TATDN2: variants seen among roughly 807,000 people sequenced by gnomAD.
The protein encoded by TATDN2 is TatD DNase domain containing 2, also known as 3'-5' RNA nuclease TATDN2.
In TATDN2, 44 loss-of-function variants were observed where a neutral mutation model predicts 60.3. The ratio of observed to expected loss-of-function variants is 0.73; its 90% CI spans 0.57 to 0.94. The LOEUF (loss-of-function observed/expected upper bound fraction) is 0.94, where lower values mean the gene tolerates loss of function less well. Ranked by LOEUF, TATDN2 falls within the 40% of genes least tolerant of loss-of-function variation. The probability of loss-of-function intolerance (pLI) is 0.00; values close to 1 mark genes in which losing one functional copy is unlikely to be tolerated. For synonymous variants in TATDN2, 399 were observed against 355.8 expected (o/e 1.12, Z -1.37); for missense variants, 997 against 948.0 (o/e 1.05, Z -0.68).
At chr3:10,273,206 G>A (rs1384946540) in intron 4 of TATDN2, among the ~76,000 whole-genome samples, 1 of 152,202 alleles carries the variant, frequency 6.6e-6, no homozygotes, top group Non-Finnish European at 1.5e-5. Context: ...GTTGCTGGCT[G>A]GGAGAGGGCT....
chr3:10,279,590 G>A lies in TATDN2; in HGVS notation c.*408G>A, dbSNP rs941540700. 1 of 152,214 alleles carries A rather than the reference G, an allele frequency of 6.6e-6. No individual in the cohort carries two copies. The allele number at this position is 152,214 out of a possible 1,614,324, so 9.4% of individuals were successfully genotyped here. ...TACTTGTCTAAGCACATGTGGGTGT[G>A]TAACTCAGTTCCTGGTTCTCGGTTC... On this transcript the variant is annotated 3_prime_UTR_variant, in exon 8 of 8. Transcript: ENST00000448281.
intron 3 of TATDN2, among the ~76,000 whole-genome samples, chr3:10,267,181 A>G (rs1698489654): frequency 6.6e-6 from 1 of 151,948 alleles, no homozygotes; most frequent in South Asian, 2.1e-4. Context: ...TTGGCCTCCC[A>G]AAGTGCTGGG....
chr3:10,270,860 G>T lies in TATDN2; in HGVS notation c.1678G>T (p.Ala560Ser). 1 of 1,614,184 alleles carries T rather than the reference G, an allele frequency of 6.2e-7. No individual in the cohort carries two copies. The highest frequency in any genetic ancestry group is 8.5e-7 in the Non-Finnish European group (1 of 1,180,038). Residue 560 changes from alanine (A) to serine (S), a missense_variant, in exon 4 of 8, where the codon GCC becomes TCC. Ala to Ser is a moderately conservative substitution (Grantham distance 99, BLOSUM62 1). Coordinates refer to ENST00000448281, the MANE Select transcript of TATDN2 (RefSeq NM_014760.4). ...ELLKEDLVWG[A>S]FGCHPHFARY... ...GTTGAAAGAGGATCTGGTCTGGGGGGCCTTTGGCTGTCACCCTCATTTTGC... is the reference window on the plus strand; with the variant it reads ...GTTGAAAGAGGATCTGGTCTGGGGGTCCTTTGGCTGTCACCCTCATTTTGC...
Position 10,249,205 on chromosome 3 carries a change from C to G in TATDN2, c.5C>G (p.Ala2Gly). ...CCCTGTACCTTGCAGGTGCCCATGG[C>G]GTCCGAGCGGGGCAAGGTCAAGCAC... The part of the protein sequence containing the change: M[A>G]SERGKVKHNW... The change falls in exon 2 of 8, where the codon GCG (alanine) becomes GGG (glycine). Residue 2 changes from alanine to glycine, a missense_variant. Ala to Gly is a moderately conservative substitution (Grantham distance 60, BLOSUM62 0). Transcript: ENST00000448281. 3 of 1,511,678 alleles carry G rather than the reference C, an allele frequency of 2.0e-6. No homozygotes were observed. The highest frequency in any genetic ancestry group is 2.7e-6 in the Non-Finnish European group (3 of 1,128,818). The allele number at this position is 1,511,678 out of a possible 1,614,324, so 93.6% of individuals were successfully genotyped here.
intron 2 of TATDN2, among the ~76,000 whole-genome samples, chr3:10,258,225 C>T (rs899681709): frequency 1.3e-5 from 2 of 151,750 alleles, no homozygotes; most frequent in East Asian, 1.9e-4. Flanking sequence ...ATGTGCTCTT[C>T]GGAAAAAAAT....
At chr3:10,267,524 TGTGTCAAGTCTCTTCGTCTCTATA>T (rs1208480194) in intron 3 of TATDN2, among the ~76,000 whole-genome samples, 1 of 152,240 alleles carries the variant, frequency 6.6e-6, no homozygotes, top group African/African-American at 2.4e-5. Context: ...AATTTTTAAA[TGTGTCAAGTCTCTTCGTCTCTATA>T]GATTCATCCT....
At chr3:10,270,098 C>G (rs1698536047) in intron 3 of TATDN2, 33 bp from the exon 4 acceptor site, 4 of 1,578,696 alleles carry the variant, frequency 2.5e-6, no homozygotes, top group Non-Finnish European at 1.7e-6. Context: ...CATCGGAAGG[C>G]TAACCCACTG....
chr3:10,278,155 C>A lies in TATDN2; in HGVS notation c.1962-124C>A, dbSNP rs997596217. On this transcript the variant is annotated intron_variant, in intron 5 of 7. Coordinates refer to ENST00000448281, the MANE Select transcript of TATDN2 (RefSeq NM_014760.4). This position sits in a 1 kb window ranked among gnomAD's most constrained non-coding sequence, Gnocchi z 4.7. ...CCCTTGTCTGTGTTTACTGTGGAGTCCTTCCCTAGGATGCAGTCTTTCCAT... is the reference window on the plus strand; with the variant it reads ...CCCTTGTCTGTGTTTACTGTGGAGTACTTCCCTAGGATGCAGTCTTTCCAT... The A allele has an allele frequency of 1.7e-6, 2 of 1,156,272 alleles. No individual in the cohort carries two copies. Among genetic ancestry groups the A allele is most frequent in the Non-Finnish European group, 2.5e-6 (2 of 809,578 alleles). 71.6% of individuals were successfully genotyped at this position (1,156,272 alleles called of 1,614,324 possible).
In TATDN2 at chr3:10,268,219, T is replaced by G. The variant is rs149631586; in HGVS notation, c.949-1912T>G. On this transcript the variant is annotated intron_variant, in intron 3 of 7. Coordinates refer to ENST00000448281, the MANE Select transcript of TATDN2 (RefSeq NM_014760.4). ...ATTCAAGCAGTAGCTGTGAGAAGTC[T>G]AAGGCAGGAAAGTATAAAATGGGAA... is the stretch of plus-strand genomic sequence containing the variant. Among the ~76,000 whole-genome samples the G allele has an allele frequency of 3.3e-3, 501 of 152,354 alleles. 1 individual carries two copies. The highest frequency in any genetic ancestry group is 5.1e-3 in the Non-Finnish European group (349 of 68,020).
At chr3:10,274,992 T>A (rs1271567721) in intron 4 of TATDN2, among the ~76,000 whole-genome samples, 2 of 150,456 alleles carry the variant, frequency 1.3e-5, no homozygotes, top group Non-Finnish European at 1.5e-5. Flanking sequence ...TGAATTAATT[T>A]TTTTTTTTTT....
intron 2 of TATDN2, among the ~76,000 whole-genome samples, chr3:10,258,364 G>A (rs974248332): frequency 9.9e-5 from 15 of 151,878 alleles, no homozygotes; most frequent in African/African-American, 2.9e-4. Context: ...TGCATCCTCC[G>A]CCTCCTGGGT....
intron 3 of TATDN2, among the ~76,000 whole-genome samples, chr3:10,265,366 C>A (rs774837253): frequency 7.7e-6 from 1 of 130,372 alleles, no homozygotes; most frequent in Non-Finnish European, 1.6e-5. Flanking sequence ...CATGAGCTAC[C>A]ACGCCCGGCC....
At chr3:10,276,219 A>T in intron 4 of TATDN2, 142 bp from the exon 5 acceptor site, 1 of 1,108,182 alleles carries the variant, frequency 9.0e-7, no homozygotes, top group Non-Finnish European at 1.3e-6. Context: ...ATTGTAAGTG[A>T]CCAATAATCA....
At position 10,278,659 on chromosome 3, in the gene TATDN2, TC is replaced by T; in HGVS notation, c.2145+199del. The T allele has an allele frequency of 2.0e-6, 2 of 980,050 alleles. No homozygotes were observed. Among genetic ancestry groups the T allele is most frequent in the Non-Finnish European group, 3.1e-6 (2 of 636,312 alleles). 60.7% of individuals were successfully genotyped at this position (980,050 alleles called of 1,614,324 possible). On this transcript the variant is annotated intron_variant, in intron 6 of 7. Coordinates refer to ENST00000448281, the MANE Select transcript of TATDN2 (RefSeq NM_014760.4). This position sits in a 1 kb window ranked among gnomAD's most constrained non-coding sequence, Gnocchi z 4.7. Reference sequence around the variant, plus strand: ...AGAAGCTGAAGGGTAACCACTCTCTTCCAGGCAGTGCAAAGCCCTACCCTGT... The same window carrying T: ...AGAAGCTGAAGGGTAACCACTCTCTTCAGGCAGTGCAAAGCCCTACCCTGT...
rs1698672253 is a variant in TATDN2 at position 10,278,574 on chromosome 3, C to A, written c.2145+112C>A. 10 of 1,441,822 alleles carry A rather than the reference C, an allele frequency of 6.9e-6. No individual in the cohort carries two copies. The highest frequency in any genetic ancestry group is 9.7e-6 in the Non-Finnish European group (10 of 1,032,124). The allele number at this position is 1,441,822 out of a possible 1,614,324, so 89.3% of individuals were successfully genotyped here. ...AGCCCCAGTGACTTCCAGGTCCCAT[C>A]CTGGGCTGTGTAGATGCCTCCTTGC... On this transcript the variant is annotated intron_variant, in intron 6 of 7. Coordinates refer to ENST00000448281, the MANE Select transcript of TATDN2 (RefSeq NM_014760.4). This position sits in a 1 kb window ranked among gnomAD's most constrained non-coding sequence, Gnocchi z 4.7.
chr3:10,258,009 C>A (rs769724667), intron 2 of TATDN2, among the ~76,000 whole-genome samples: 1 of 148,604 alleles, frequency 6.7e-6, no homozygotes, highest in Non-Finnish European at 1.5e-5. Context: ...TACAGGCGCC[C>A]GCCACCACGC....
At chr3:10,259,920 G>T (rs1252575883) in intron 2 of TATDN2, among the ~76,000 whole-genome samples, 1 of 152,176 alleles carries the variant, frequency 6.6e-6, no homozygotes, top group African/African-American at 2.4e-5. Context: ...GCAGTGAAAG[G>T]ATATCATCTG....
intron 4 of TATDN2, among the ~76,000 whole-genome samples, chr3:10,272,810 G>A (rs528339164): frequency 1.3e-5 from 2 of 152,032 alleles, no homozygotes; most frequent in South Asian, 2.1e-4. Flanking sequence ...CAAGGCGAGC[G>A]GATCACCTGA....
At chr3:10,257,294 TTATA>T (rs3072531) in intron 2 of TATDN2, among the ~76,000 whole-genome samples, 4 of 133,546 alleles carry the variant, frequency 3.0e-5, no homozygotes, top group East Asian at 2.6e-4. Flanking sequence ...CAAAAAAAAA[TTATA>T]TATATATATA....
Sources: allele counts gnomAD v4.1 joint callset (sites outside exome capture counted in the v4.1 genomes callset), GRCh38; gene constraint gnomAD v4.1.1; non-coding constraint Gnocchi (gnomAD v3.1); transcripts MANE v1.5; gene names NCBI Gene and HGNC (gene_info 2026-07-23, HGNC 2026-07-21).